The following NRXN3 variants were observed in gnomAD, a reference collection of about 807,000 sequenced individuals.
NRXN3 encodes the protein neurexin III.
A neutral mutation model predicts 137.6 loss-of-function variants in NRXN3; 32 were observed. The ratio of observed to expected loss-of-function variants is 0.23; its 90% CI spans 0.18 to 0.31. NRXN3 has a LOEUF of 0.31. Ranked by LOEUF, NRXN3 falls within the 10% of genes least tolerant of loss-of-function variation. The probability of loss-of-function intolerance (pLI) is 1.00; values close to 1 mark genes in which losing one functional copy is unlikely to be tolerated. For missense variants in NRXN3, 1,574 were observed against 2,062.5 expected (o/e 0.76, Z 4.59); for synonymous variants, 798 against 784.5 (o/e 1.02, Z -0.29).
At chr14:78,271,223 G>A (rs2072676632) in intron 2 of NRXN3, among the ~76,000 whole-genome samples, 1 of 152,108 alleles carries the variant, frequency 6.6e-6, no homozygotes, top group South Asian at 2.1e-4. Flanking sequence ...GTTTATAGGT[G>A]TTGCATCCCA....
chr14:79,779,972 C>G (rs1388371745), intron 19 of NRXN3, among the ~76,000 whole-genome samples: 1 of 152,132 alleles, frequency 6.6e-6, no homozygotes, highest in Non-Finnish European at 1.5e-5. Flanking sequence ...TCAAGCAATT[C>G]TCCTGCCTCA....
chr14:78,537,861 T>C lies in NRXN3; in HGVS notation c.758-107259T>C, dbSNP rs1031006121. 1.8e-4 allele frequency among the ~76,000 whole-genome samples: 27 copies of C among 152,328 alleles called. 1 individual carries two copies. In the East Asian group the frequency reaches 4.8e-3, roughly 27 times the overall value. On this transcript the variant is annotated intron_variant, in intron 4 of 20. Transcript: ENST00000335750. Reference sequence around the variant, plus strand: ...AGTTTTCCCAGCACCATTTATTAAATAGGGAATCCTTTCCCCATTTCTTGT... The same window carrying C: ...AGTTTTCCCAGCACCATTTATTAAACAGGGAATCCTTTCCCCATTTCTTGT...
At chr14:79,362,195 A>C (rs1187015421) in intron 15 of NRXN3, among the ~76,000 whole-genome samples, 3 of 151,430 alleles carry the variant, frequency 2.0e-5, no homozygotes, top group Admixed American at 6.6e-5. Context: ...ACATGTGCAC[A>C]ACGTGCAGGA....
chr14:78,678,319 C>CTT (rs398025853), intron 6 of NRXN3, among the ~76,000 whole-genome samples: 20 of 143,250 alleles, frequency 1.4e-4, no homozygotes, highest in South Asian at 1.1e-3. Context: ...ATGCTCCATA[C>CTT]TTTTTTTTTT....
At chr14:78,495,123 G>A (rs75999714) in intron 4 of NRXN3, among the ~76,000 whole-genome samples, 1 of 56,260 alleles carries the variant, frequency 1.8e-5, no homozygotes, top group South Asian at 7.6e-4. Context: ...TATATGTGGG[G>A]TGTGTGTGTG....
At chr14:78,275,655 G>C (rs2073470991) in intron 2 of NRXN3, among the ~76,000 whole-genome samples, 1 of 152,094 alleles carries the variant, frequency 6.6e-6, no homozygotes, top group African/African-American at 2.4e-5. Flanking sequence ...GTTGGGCTTG[G>C]GTCATAGGTC....
chr14:79,213,608 C>T (rs1377620870), intron 15 of NRXN3, among the ~76,000 whole-genome samples: 1 of 151,132 alleles, frequency 6.6e-6, no homozygotes, highest in Non-Finnish European at 1.5e-5. Flanking sequence ...GTCCTGTCTC[C>T]TCTCACCCTT....
intron 15 of NRXN3, among the ~76,000 whole-genome samples, chr14:79,039,542 CACCA>C: frequency 6.6e-6 from 1 of 152,212 alleles, no homozygotes; most frequent in South Asian, 2.1e-4. Context: ...TTCTGCACCA[CACCA>C]TTTTTTCTGT....
rs1439068068 is a variant in NRXN3 at position 79,861,368 on chromosome 14, G to A, written c.4120G>A (p.Glu1374Lys). ...TAAGAGTCTTTCCACTTCAATCTTC[G>A]AAGGTGGCTACAAAGCACATGCGCC... is the stretch of plus-strand genomic sequence containing the variant. Reference protein sequence around the residue: ...TDKSLSTSIFEGGYKAHAPKW... With the variant: ...TDKSLSTSIFKGGYKAHAPKW... Residue 1374 changes from glutamate (E) to lysine (K), a missense_variant, in exon 21 of 21, where the codon GAA becomes AAA. Physicochemically the swap from Glu to Lys is moderately conservative, Grantham distance 56 (BLOSUM62 1). Around this residue, in one of 5 missense-constraint regions of NRXN3, gnomAD observed 320 missense variants for 387.1 expected, o/e 0.83. Transcript: ENST00000335750. The surrounding 1 kb of genome is among the most constrained non-coding windows in gnomAD (Gnocchi z 5.4). The A allele has an allele frequency of 6.5e-7, 1 of 1,535,998 alleles. No individual in the cohort carries two copies. Among genetic ancestry groups the A allele is most frequent in the Non-Finnish European group, 8.7e-7 (1 of 1,146,892 alleles).
At chr14:78,828,517 A>G (rs939923100) in intron 10 of NRXN3, among the ~76,000 whole-genome samples, 2 of 152,254 alleles carry the variant, frequency 1.3e-5, no homozygotes, top group African/African-American at 4.8e-5. Flanking sequence ...AAACAGCCAT[A>G]GACAATGTCT....
At chr14:78,348,863 G>A (rs1444966682) in intron 4 of NRXN3, among the ~76,000 whole-genome samples, 1 of 152,118 alleles carries the variant, frequency 6.6e-6, no homozygotes, top group African/African-American at 2.4e-5. Flanking sequence ...TGCAGGTGCT[G>A]GACTCCAGAG....
chr14:78,201,831 T>C (rs1410698939), intron 1 of NRXN3, among the ~76,000 whole-genome samples: 2 of 152,126 alleles, frequency 1.3e-5, no homozygotes, highest in Admixed American at 6.5e-5. Context: ...CGCTCCGACA[T>C]GCTGTTCTTC....
intron 19 of NRXN3, among the ~76,000 whole-genome samples, chr14:79,754,374 A>T (rs1170731392): frequency 6.6e-6 from 1 of 150,838 alleles, no homozygotes; most frequent in African/African-American, 2.4e-5. Flanking sequence ...TACAGGGAGG[A>T]TGTGTATAGA....
At chr14:78,533,002 A>G (rs376070275) in intron 4 of NRXN3, among the ~76,000 whole-genome samples, 1 of 147,786 alleles carries the variant, frequency 6.8e-6, no homozygotes, top group Admixed American at 6.8e-5. Context: ...TGTCCTCTCT[A>G]TTTCTGCTAC....
chr14:79,161,154 C>T (rs759427295), intron 15 of NRXN3, among the ~76,000 whole-genome samples: 1 of 151,876 alleles, frequency 6.6e-6, no homozygotes, highest in Non-Finnish European at 1.5e-5. Context: ...GAATAACTTA[C>T]CTCTTTTAAA....
At chr14:79,268,849 G>A (rs1347519778) in intron 15 of NRXN3, among the ~76,000 whole-genome samples, 2 of 151,932 alleles carry the variant, frequency 1.3e-5, no homozygotes, top group African/African-American at 4.8e-5. Flanking sequence ...TCAAGTATTG[G>A]TTATTATTAT....
intron 4 of NRXN3, among the ~76,000 whole-genome samples, chr14:78,510,515 A>T (rs1321650191): frequency 2.0e-5 from 3 of 152,190 alleles, no homozygotes; most frequent in Non-Finnish European, 4.4e-5. Flanking sequence ...TCATTTTATG[A>T]AATTCTTACC....
At chr14:78,507,285 A>G (rs1460274606) in intron 4 of NRXN3, among the ~76,000 whole-genome samples, 2 of 152,208 alleles carry the variant, frequency 1.3e-5, no homozygotes, top group African/African-American at 2.4e-5. Flanking sequence ...GGTTTTTCCA[A>G]GTTCACACAG....
At chr14:79,417,501 C>T (rs2095513876) in intron 15 of NRXN3, among the ~76,000 whole-genome samples, 1 of 152,028 alleles carries the variant, frequency 6.6e-6, no homozygotes, top group African/African-American at 2.4e-5. Flanking sequence ...GTAGCTGCCT[C>T]CTGAACTGCT....
Sources: gnomAD v4.1 joint callset for allele counts (sites outside exome capture counted in the v4.1 genomes callset) on GRCh38, gnomAD v4.1.1 for gene constraint, gnomAD v4.1.1 regional missense constraint, Gnocchi (gnomAD v3.1) non-coding constraint, MANE v1.5 for transcripts, NCBI Gene and HGNC (gene_info 2026-07-23, HGNC 2026-07-21) for gene names.